CCDC170: variants seen among roughly 807,000 people sequenced by gnomAD.
CCDC170 encodes the protein coiled-coil domain-containing protein 170.
In CCDC170, 69 loss-of-function variants were observed where a neutral mutation model predicts 72.6. That is an observed-to-expected ratio of 0.95 (90% CI 0.78 to 1.16). The LOEUF is 1.16. Among genes scored for constraint, CCDC170 ranks in the 50% most tolerant of loss-of-function variants. The pLI is 0.00. For missense variants in CCDC170, 852 were observed against 832.5 expected, an observed-to-expected ratio of 1.02 and a Z score of -0.29; for synonymous variants, 300 against 303.9, an observed-to-expected ratio of 0.99 and a Z score of 0.13.
At chr6:151,524,138 G>A (rs771898837) in intron 1 of CCDC170, among the ~76,000 whole-genome samples, 23 of 152,282 alleles carry the variant, frequency 1.5e-4, no homozygotes, top group Non-Finnish European at 2.4e-4. Context: ...ACATGTGGGC[G>A]CTTAGCTTAA....
intron 1 of CCDC170, among the ~76,000 whole-genome samples, chr6:151,504,774 G>A (rs1419197953): frequency 2.0e-5 from 3 of 151,852 alleles, no homozygotes; most frequent in African/African-American, 4.8e-5. Flanking sequence ...TAGAGATGCA[G>A]ATTTGGGAGC....
intron 5 of CCDC170, among the ~76,000 whole-genome samples, chr6:151,559,729 C>T (rs556486727): frequency 2.0e-5 from 3 of 152,188 alleles, no homozygotes; most frequent in East Asian, 1.9e-4. Context: ...CTAGGATTTT[C>T]GGATACATAG....
intron 1 of CCDC170, among the ~76,000 whole-genome samples, chr6:151,525,873 T>C (rs994060599): frequency 2.6e-5 from 4 of 152,206 alleles, no homozygotes; most frequent in African/African-American, 9.7e-5. Context: ...AAGTGTCCCC[T>C]ACAGTGGCTG....
At chr6:151,496,517 T>A (rs1413506562) in intron 1 of CCDC170, among the ~76,000 whole-genome samples, 1 of 152,224 alleles carries the variant, frequency 6.6e-6, no homozygotes, top group Admixed American at 6.5e-5. Context: ...GATCATCTTA[T>A]AATTTAGATA....
chr6:151,610,226 G>A (rs1258181698), intron 9 of CCDC170, among the ~76,000 whole-genome samples: 1 of 152,108 alleles, frequency 6.6e-6, no homozygotes, highest in Non-Finnish European at 1.5e-5. Context: ...ATGGTCTACA[G>A]AATATATTAT....
intron 1 of CCDC170, among the ~76,000 whole-genome samples, chr6:151,504,845 C>T (rs1265677636): frequency 6.6e-6 from 1 of 150,712 alleles, no homozygotes; most frequent in Non-Finnish European, 1.5e-5. Context: ...GTGAGAATGT[C>T]CCAGTGATGA....
intron 1 of CCDC170, among the ~76,000 whole-genome samples, chr6:151,518,509 G>T (rs1439790727): frequency 6.6e-6 from 1 of 152,204 alleles, no homozygotes; most frequent in Non-Finnish European, 1.5e-5. Context: ...ACAGAGTAAA[G>T]TGAAAGCAAG....
At chr6:151,562,894 TCGC>T (rs1454391511) in intron 5 of CCDC170, among the ~76,000 whole-genome samples, 1 of 152,188 alleles carries the variant, frequency 6.6e-6, no homozygotes, top group Non-Finnish European at 1.5e-5. Context: ...TCCTTGCTTT[TCGC>T]CCTGAGCCAG....
In CCDC170 at chr6:151,619,557, C is replaced by T. The variant is rs1004062254; in HGVS notation, c.*1410C>T. ...AAGGGAAAGAAATAGATCTGGTGCA[C>T]CCGAACATTAGGAGAAAATGAAAAA... On this transcript the variant is annotated 3_prime_UTR_variant, in exon 11 of 11. Transcript: ENST00000239374. 2.0e-5 allele frequency: 3 copies of T among 152,044 alleles called. No individual in the cohort carries two copies. Among genetic ancestry groups the T allele is most frequent in the African/African-American group, 7.2e-5 (3 of 41,394 alleles). 9.4% of individuals were successfully genotyped at this position (152,044 alleles called of 1,614,324 possible).
chr6:151,618,336 G>A lies in CCDC170; in HGVS notation c.*189G>A, dbSNP rs530442293. On this transcript the variant is annotated 3_prime_UTR_variant, in exon 11 of 11. Coordinates refer to ENST00000239374, the MANE Select transcript of CCDC170 (RefSeq NM_025059.4). ...TAGATAAACGTTCAGCATTAAAAAC[G>A]CCTATTATTTCATTTACTAGCATTT... 14 of 558,762 alleles carry A rather than the reference G, an allele frequency of 2.5e-5. No homozygotes were observed. Among genetic ancestry groups the A allele is most frequent in the Non-Finnish European group, 4.1e-5 (13 of 318,976 alleles). 34.6% of individuals were successfully genotyped at this position (558,762 alleles called of 1,614,324 possible).
intron 6 of CCDC170, among the ~76,000 whole-genome samples, chr6:151,583,218 C>G (rs1221000376): frequency 8.7e-6 from 1 of 115,520 alleles, no homozygotes; most frequent in Non-Finnish European, 1.6e-5. Flanking sequence ...GTCTTGAACT[C>G]CTGACCTCAG....
At chr6:151,567,910 A>T (rs1396210482) in intron 5 of CCDC170, among the ~76,000 whole-genome samples, 2 of 152,048 alleles carry the variant, frequency 1.3e-5, no homozygotes, top group Non-Finnish European at 2.9e-5. Context: ...CAGGAGTTCA[A>T]GACCAGCCTG....
intron 1 of CCDC170, among the ~76,000 whole-genome samples, chr6:151,523,840 A>G (rs1176565219): frequency 2.0e-5 from 3 of 152,220 alleles, no homozygotes; most frequent in African/African-American, 4.8e-5. Flanking sequence ...AGCATTGCAA[A>G]CACTGCTGTG....
chr6:151,544,489 A>G lies in CCDC170; in HGVS notation c.444-83A>G, dbSNP rs1039964297. On this transcript the variant is annotated intron_variant, in intron 3 of 10. Coordinates refer to ENST00000239374, the MANE Select transcript of CCDC170 (RefSeq NM_025059.4). ...GTTGAAAATGACAATTATTTCCCCC[A>G]TAGAGCTTATATTCTGACTTGGTTT... The G allele has an allele frequency of 1.1e-5, 14 of 1,301,992 alleles. No homozygotes were observed. The East Asian group carries it at 1.2e-4, about 12-fold the overall frequency. The allele number at this position is 1,301,992 out of a possible 1,614,324, so 80.7% of individuals were successfully genotyped here. A position where few individuals can be genotyped will look rare whatever the true frequency, so the allele number is the denominator to read the frequency against.
chr6:151,518,670 C>T (rs548236615), intron 1 of CCDC170, among the ~76,000 whole-genome samples: 71 of 152,286 alleles, frequency 4.7e-4, no homozygotes, highest in African/African-American at 1.3e-3. Flanking sequence ...AATATTTCAA[C>T]GTAGGTTCTT....
At chr6:151,556,246 A>G (rs1271874138) in intron 5 of CCDC170, among the ~76,000 whole-genome samples, 1 of 152,192 alleles carries the variant, frequency 6.6e-6, no homozygotes, top group Admixed American at 6.5e-5. Flanking sequence ...ACTTGAGGGC[A>G]GAAGTTCAAG....
intron 6 of CCDC170, among the ~76,000 whole-genome samples, chr6:151,583,524 G>A (rs182597253): frequency 6.6e-6 from 1 of 151,746 alleles, no homozygotes; most frequent in African/African-American, 2.4e-5. Flanking sequence ...GTGGCGTGAT[G>A]TTGGCTCACT....
At chr6:151,499,768 A>G (rs1781967002) in intron 1 of CCDC170, among the ~76,000 whole-genome samples, 2 of 152,254 alleles carry the variant, frequency 1.3e-5, no homozygotes, top group Non-Finnish European at 2.9e-5. Context: ...TGTAACATGT[A>G]TCAGAATTTC....
chr6:151,563,314 T>A (rs1455717580), intron 5 of CCDC170, among the ~76,000 whole-genome samples: 1 of 152,172 alleles, frequency 6.6e-6, no homozygotes, highest in Non-Finnish European at 1.5e-5. Flanking sequence ...GGGGTGGAGA[T>A]GACCGCTCTC....
Sources: gnomAD v4.1 joint callset for allele counts (sites outside exome capture counted in the v4.1 genomes callset) on GRCh38, gnomAD v4.1.1 for gene constraint, MANE v1.5 for transcripts, NCBI Gene and HGNC (gene_info 2026-07-23, HGNC 2026-07-21) for gene names.